Variants in YTHDC2 observed in about 807,000 individuals in gnomAD.
YTHDC2 encodes 3'-5' RNA helicase YTHDC2.
Under a neutral mutation model 174.9 loss-of-function variants are expected in YTHDC2, and 45 were observed. The ratio of observed to expected loss-of-function variants is 0.26; its 90% CI spans 0.20 to 0.33. The LOEUF is 0.33. YTHDC2 is among the 10% of genes least tolerant of loss of function. The pLI is 1.00. For missense variants in YTHDC2, 1,650 were observed against 1,723.7 expected (o/e 0.96, Z 0.76); for synonymous variants, 657 against 574.5 (o/e 1.14, Z -2.05).
Position 113,567,667 on chromosome 5 carries a change from A to T in YTHDC2, c.3062A>T (p.Asn1021Ile). Residue 1021 changes from asparagine to isoleucine, a missense_variant, in exon 23 of 30, where the codon AAT (asparagine) becomes ATT (isoleucine). Transcript: ENST00000161863. ...QPQYKKIPPA[N>I]GQAAAIKALP... ...TTTTCTTAATAGATTCCTCCAGCCA[A>T]TGGTCAAGCTGCAGCAATTAAGGCA... is the stretch of plus-strand genomic sequence containing the variant. 1 of 1,597,438 alleles carries T rather than the reference A, an allele frequency of 6.3e-7. No individual in the cohort carries two copies.
chr5:113,585,443 A>C (rs949309519), intron 26 of YTHDC2, among the ~76,000 whole-genome samples: 1 of 152,082 alleles, frequency 6.6e-6, no homozygotes, highest in African/African-American at 2.4e-5. Context: ...GTAGATTTGC[A>C]TTCTTAGGTT....
chr5:113,579,639 G>A lies in YTHDC2; in HGVS notation c.3298G>A (p.Ala1100Thr), dbSNP rs202230908. The change falls in exon 24 of 30, where the codon GCT (alanine) becomes ACT (threonine). Residue 1100 changes from alanine (A) to threonine (T), a missense_variant. Coordinates refer to ENST00000161863, the MANE Select transcript of YTHDC2 (RefSeq NM_022828.5). Reference protein sequence around the residue: ...SDSEMEDKTTANLAALKLDEW... With the variant: ...SDSEMEDKTTTNLAALKLDEW... Reference sequence around the variant, plus strand: ...TAGTGAAATGGAGGACAAAACTACAGCTAATTTGGCAGCCTTGAAACTTGA... The same window carrying A: ...TAGTGAAATGGAGGACAAAACTACAACTAATTTGGCAGCCTTGAAACTTGA... The A allele has an allele frequency of 1.4e-4, 232 of 1,610,770 alleles. No individual in the cohort carries two copies. Among genetic ancestry groups the A allele is most frequent in the Non-Finnish European group, 1.9e-4 (226 of 1,178,220 alleles).
intron 10 of YTHDC2, among the ~76,000 whole-genome samples, chr5:113,545,556 T>C (rs1487020764): frequency 6.6e-6 from 1 of 151,900 alleles, no homozygotes; most frequent in Non-Finnish European, 1.5e-5. Context: ...GAATACTTCA[T>C]CTCTTCTGCA....
chr5:113,578,281 G>T (rs1778191679), intron 23 of YTHDC2, among the ~76,000 whole-genome samples: 1 of 151,930 alleles, frequency 6.6e-6, no homozygotes, highest in Non-Finnish European at 1.5e-5. Flanking sequence ...CTGTAACCCT[G>T]AACTCCAAGG....
At chr5:113,586,939 G>A (rs1309322236) in intron 26 of YTHDC2, among the ~76,000 whole-genome samples, 5 of 95,780 alleles carry the variant, frequency 5.2e-5, no homozygotes, top group African/African-American at 8.5e-5. Flanking sequence ...TATATATTAT[G>A]TATTCATATA....
chr5:113,577,853 AT>A (rs1455895744), intron 23 of YTHDC2, among the ~76,000 whole-genome samples: 2 of 152,094 alleles, frequency 1.3e-5, no homozygotes, highest in East Asian at 3.9e-4. Flanking sequence ...TGGTGAATGG[AT>A]TCTCTTTGTG....
chr5:113,520,400 A>G (rs1187393771), intron 2 of YTHDC2, among the ~76,000 whole-genome samples: 2 of 152,208 alleles, frequency 1.3e-5, no homozygotes, highest in South Asian at 2.1e-4. Context: ...TATCTTACTT[A>G]TGATCATAGA....
At chr5:113,537,339 T>C (rs192055471) in intron 7 of YTHDC2, among the ~76,000 whole-genome samples, 258 of 150,568 alleles carry the variant, frequency 1.7e-3, no homozygotes, top group Middle Eastern at 0.01. Flanking sequence ...TTCTGTGGTA[T>C]GTTTTATGGT....
At chr5:113,528,774 A>C (rs1043742629) in intron 4 of YTHDC2, among the ~76,000 whole-genome samples, 1 of 152,100 alleles carries the variant, frequency 6.6e-6, no homozygotes, top group Admixed American at 6.6e-5. Context: ...CTCCCAAAGT[A>C]CTGGGATTAC....
chr5:113,539,004 G>A, intron 7 of YTHDC2, 70 bp from the exon 8 acceptor site: 1 of 758,604 alleles, frequency 1.3e-6, no homozygotes, highest in South Asian at 2.1e-5. Flanking sequence ...ATTAACTTGG[G>A]ATTTTCATGT....
Position 113,563,417 on chromosome 5 carries a change from C to T in YTHDC2, c.2367C>T (p.Pro789=), listed in dbSNP as rs376371968. 117 of 1,610,992 alleles carry T rather than the reference C, an allele frequency of 7.3e-5. No individual in the cohort carries two copies. The highest frequency in any genetic ancestry group is 9.1e-5 in the Non-Finnish European group (107 of 1,178,244). The change falls in exon 19 of 30, where the codon CCC becomes CCT. Residue 789 remains proline, a synonymous_variant. Transcript: ENST00000161863. ...HTKLLAPVNC[P]IADFLMKAPE... ...AGCTGTTAGCCCCAGTTAATTGTCC[C>T]ATTGCTGATTTTCTTATGAAAGCTC...
intron 2 of YTHDC2, 64 bp from the exon 3 acceptor site, chr5:113,524,917 G>C: frequency 8.6e-7 from 1 of 1,163,816 alleles, no homozygotes; most frequent in Non-Finnish European, 1.2e-6. Flanking sequence ...TTCTAAGTGG[G>C]CATACATCAT....
chr5:113,575,070 A>G (rs1027837087), intron 23 of YTHDC2, among the ~76,000 whole-genome samples: 1 of 152,148 alleles, frequency 6.6e-6, no homozygotes, highest in African/African-American at 2.4e-5. Context: ...ATGTATGCCT[A>G]GTATGTCCGA....
chr5:113,541,554 A>G (rs374263897), intron 9 of YTHDC2, among the ~76,000 whole-genome samples: 4 of 151,934 alleles, frequency 2.6e-5, no homozygotes, highest in Non-Finnish European at 2.9e-5. Flanking sequence ...TTAGACCACA[A>G]CCAATTTTTC....
Position 113,580,022 on chromosome 5 carries a change from G to A in YTHDC2, c.3354+327G>A, listed in dbSNP as rs143382418. 6.4e-5 allele frequency: 50 copies of A among 779,322 alleles called. No individual in the cohort carries two copies. In the Middle Eastern group the frequency reaches 2.6e-3, roughly 40 times the overall value. 48.3% of individuals were successfully genotyped at this position (779,322 alleles called of 1,614,324 possible). On this transcript the variant is annotated intron_variant, in intron 24 of 29. Transcript: ENST00000161863. ...AGTCTGAGATCAAGGTGCTGACGTC[G>A]GTTGAGGGCTGCTGGACCCTGCCTC... is the stretch of plus-strand genomic sequence containing the variant.
chr5:113,541,600 C>A (rs138962270), intron 9 of YTHDC2, among the ~76,000 whole-genome samples: 16 of 152,060 alleles, frequency 1.1e-4, no homozygotes, highest in African/African-American at 3.6e-4. Flanking sequence ...AATAATTTAC[C>A]CTTTTTTTGA....
intron 21 of YTHDC2, 85 bp downstream of exon 21, chr5:113,566,104 C>T: frequency 7.5e-7 from 1 of 1,340,370 alleles, no homozygotes; most frequent in Non-Finnish European, 1.0e-6. Context: ...TTAACTGATG[C>T]CATCTATTAT....
chr5:113,581,822 A>C, intron 25 of YTHDC2, 113 bp downstream of exon 25: 1 of 939,394 alleles, frequency 1.1e-6, no homozygotes, highest in Non-Finnish European at 1.4e-6. Context: ...TTATAATCTA[A>C]GATCCATGAA....
At position 113,534,200 on chromosome 5, in the gene YTHDC2, G is replaced by A. The variant is rs911214888; in HGVS notation, c.843-105G>A. 6 of 848,312 alleles carry A rather than the reference G, an allele frequency of 7.1e-6. 1 individual carries two copies. Among genetic ancestry groups the A allele is most frequent in the Admixed American group, 5.7e-5 (3 of 52,412 alleles). The allele number at this position is 848,312 out of a possible 1,614,324, so 52.5% of individuals were successfully genotyped here. On this transcript the variant is annotated intron_variant, in intron 5 of 29. Coordinates refer to ENST00000161863, the MANE Select transcript of YTHDC2 (RefSeq NM_022828.5). ...AACTGTACATACCGGTACACTATTA[G>A]TAATATTTATTAAAATGTGTACGAG...
Sources: gnomAD v4.1 joint callset for allele counts (sites outside exome capture counted in the v4.1 genomes callset) on GRCh38, gnomAD v4.1.1 for gene constraint, MANE v1.5 for transcripts, NCBI Gene and HGNC (gene_info 2026-07-23, HGNC 2026-07-21) for gene names.